GRIA4: variants seen among roughly 807,000 people sequenced by gnomAD.
GRIA4 encodes glutamate receptor 4.
Under a neutral mutation model 104.0 loss-of-function variants are expected in GRIA4, and 34 were observed. The ratio of observed to expected loss-of-function variants is 0.33; its 90% CI spans 0.25 to 0.44. GRIA4 has a LOEUF of 0.44. Ranked by LOEUF, GRIA4 falls within the 20% of genes least tolerant of loss-of-function variation. GRIA4 has a pLI of 1.00. For missense variants in GRIA4, 750 were observed against 1,096.5 expected (o/e 0.68, Z 4.46); for synonymous variants, 386 against 381.9 (o/e 1.01, Z -0.13).
chr11:105,612,540 C>T, intron 3 of GRIA4, 106 bp downstream of exon 3: 1 of 840,304 alleles, frequency 1.2e-6, no homozygotes, highest in Non-Finnish European at 1.8e-6. Context: ...TTCAAGATTC[C>T]CACAGTTGCC....
chr11:105,926,045 T>C (rs999291991), intron 12 of GRIA4, among the ~76,000 whole-genome samples: 2 of 151,994 alleles, frequency 1.3e-5, no homozygotes, highest in African/African-American at 2.4e-5. Context: ...TATGAGTGTG[T>C]AAAGATAACT....
chr11:105,772,589 C>T (rs1941259801), intron 4 of GRIA4, among the ~76,000 whole-genome samples: 1 of 151,932 alleles, frequency 6.6e-6, no homozygotes, highest in Non-Finnish European at 1.5e-5. Flanking sequence ...AGATTTTTAA[C>T]TGAGTTGGGG....
intron 3 of GRIA4, among the ~76,000 whole-genome samples, chr11:105,698,241 A>G (rs1209264916): frequency 6.6e-6 from 1 of 152,180 alleles, no homozygotes; most frequent in African/African-American, 2.4e-5. Flanking sequence ...TTAAATGTCT[A>G]TAACGGAAAA....
At chr11:105,727,460 T>C (rs1938286196) in intron 3 of GRIA4, among the ~76,000 whole-genome samples, 1 of 152,118 alleles carries the variant, frequency 6.6e-6, no homozygotes. Context: ...CTGTTCAGAA[T>C]ATTATCCAGG....
chr11:105,790,589 C>T (rs1371864013), intron 4 of GRIA4, among the ~76,000 whole-genome samples: 1 of 152,186 alleles, frequency 6.6e-6, no homozygotes, highest in Non-Finnish European at 1.5e-5. Flanking sequence ...CCTTAATGCC[C>T]TTGTGCACCC....
intron 4 of GRIA4, among the ~76,000 whole-genome samples, chr11:105,794,711 G>C (rs992758727): frequency 6.7e-5 from 10 of 150,352 alleles, no homozygotes; most frequent in African/African-American, 2.4e-4. Flanking sequence ...TGTCCTTACA[G>C]AGCTGACATT....
intron 14 of GRIA4, among the ~76,000 whole-genome samples, chr11:105,952,272 G>C (rs1211211595): frequency 6.6e-6 from 1 of 152,016 alleles, no homozygotes; most frequent in Non-Finnish European, 1.5e-5. Context: ...TATAAGTCTG[G>C]GGTTTTGTAA....
intron 4 of GRIA4, among the ~76,000 whole-genome samples, chr11:105,855,748 A>T (rs1944987044): frequency 6.6e-6 from 1 of 152,176 alleles, no homozygotes; most frequent in African/African-American, 2.4e-5. Context: ...AGATCAGTGT[A>T]TTCATAGGGA....
chr11:105,750,161 T>C (rs1326151835), intron 3 of GRIA4, among the ~76,000 whole-genome samples: 1 of 152,132 alleles, frequency 6.6e-6, no homozygotes, highest in African/African-American at 2.4e-5. Flanking sequence ...AGCTATATTA[T>C]AATACTATAT....
chr11:105,700,085 A>G (rs1953431879), intron 3 of GRIA4, among the ~76,000 whole-genome samples: 1 of 152,246 alleles, frequency 6.6e-6, no homozygotes, highest in South Asian at 2.1e-4. Flanking sequence ...CCAATAAAGC[A>G]TAGAGATGTG....
At chr11:105,844,062 C>A (rs1282950266) in intron 4 of GRIA4, among the ~76,000 whole-genome samples, 1 of 152,160 alleles carries the variant, frequency 6.6e-6, no homozygotes, top group Non-Finnish European at 1.5e-5. Flanking sequence ...TACCTGATAT[C>A]CTAGTGTAAT....
chr11:105,635,762 C>A (rs1343532739), intron 3 of GRIA4, among the ~76,000 whole-genome samples: 5 of 152,174 alleles, frequency 3.3e-5, no homozygotes, highest in African/African-American at 4.8e-5. Flanking sequence ...TAAGGACAGA[C>A]TTTGGCCTTG....
chr11:105,933,903 T>C lies in GRIA4; in HGVS notation c.2228T>C (p.Met743Thr). The C allele has an allele frequency of 6.2e-7, 1 of 1,613,402 alleles. No homozygotes were observed. The highest frequency in any genetic ancestry group is 8.5e-7 in the Non-Finnish European group (1 of 1,179,486). Residue 743 changes from methionine (M) to threonine (T), a missense_variant, in exon 14 of 17, where the codon ATG (methionine) becomes ACG (threonine). Met to Thr is a moderately conservative substitution (Grantham distance 81, BLOSUM62 -1). Around this residue, in one of 3 missense-constraint regions of GRIA4, gnomAD observed 272 missense variants for 524.5 expected, o/e 0.52. Transcript: ENST00000282499. ...YIEQRKPCDT[M>T]KVGGNLDSKG... ...GAGCAGCGAAAGCCATGTGACACGA[T>C]GAAAGTGGGAGGAAATCTGGATTCC...
chr11:105,956,329 A>G (rs1024653102), intron 14 of GRIA4, among the ~76,000 whole-genome samples: 5 of 152,076 alleles, frequency 3.3e-5, no homozygotes, highest in African/African-American at 9.7e-5. Flanking sequence ...TCATTGTTCA[A>G]TTCCCACCTA....
chr11:105,956,835 G>C (rs943189248), intron 14 of GRIA4, among the ~76,000 whole-genome samples: 1 of 152,140 alleles, frequency 6.6e-6, no homozygotes, highest in Non-Finnish European at 1.5e-5. Flanking sequence ...TTGTGATTTT[G>C]ATTAGCATTT....
intron 14 of GRIA4, among the ~76,000 whole-genome samples, chr11:105,957,234 T>G (rs1002459972): frequency 3.9e-5 from 6 of 152,236 alleles, no homozygotes; most frequent in Admixed American, 3.9e-4. Flanking sequence ...AGGGTTTTTA[T>G]GGCTTTTAGG....
intron 4 of GRIA4, among the ~76,000 whole-genome samples, chr11:105,824,107 T>C (rs1336978295): frequency 1.3e-5 from 2 of 152,108 alleles, no homozygotes; most frequent in East Asian, 3.9e-4. Flanking sequence ...TCTCCGGAAC[T>C]GTGAAAAAGA....
At chr11:105,844,021 C>T (rs993246332) in intron 4 of GRIA4, among the ~76,000 whole-genome samples, 1 of 152,156 alleles carries the variant, frequency 6.6e-6, no homozygotes, top group African/African-American at 2.4e-5. Flanking sequence ...CTGGCTCCTG[C>T]ATCTTGGGTT....
intron 4 of GRIA4, among the ~76,000 whole-genome samples, chr11:105,832,711 G>T (rs778901493): frequency 8.5e-4 from 129 of 152,058 alleles, no homozygotes; most frequent in Non-Finnish European, 1.5e-3. Flanking sequence ...TAAATTAGGA[G>T]TTTTCTGTCT....
Sources: gnomAD v4.1 joint callset for allele counts (sites outside exome capture counted in the v4.1 genomes callset) on GRCh38, gnomAD v4.1.1 for gene constraint, gnomAD v4.1.1 regional missense constraint, MANE v1.5 for transcripts, NCBI Gene and HGNC (gene_info 2026-07-23, HGNC 2026-07-21) for gene names.